Variants in HEPHL1 observed in about 807,000 individuals in gnomAD.
HEPHL1 encodes ferroxidase HEPHL1.
A neutral mutation model predicts 122.0 loss-of-function variants in HEPHL1; 123 were observed. The observed-to-expected ratio is 1.01, with a 90% CI of 0.87 to 1.17. The LOEUF is 1.17. Ranked by LOEUF, HEPHL1 falls within the 50% of genes most tolerant of loss-of-function variation. The pLI, the probability that HEPHL1 is intolerant of heterozygous loss-of-function variation, is 0.00. For missense variants in HEPHL1, 1,452 were observed against 1,430.5 expected, an observed-to-expected ratio of 1.01 and a Z score of -0.24; for synonymous variants, 527 against 508.9, an observed-to-expected ratio of 1.04 and a Z score of -0.48.
At chr11:94,073,196 C>A in intron 7 of HEPHL1, 32 bp downstream of exon 7, 1 of 1,611,622 alleles carries the variant, frequency 6.2e-7, no homozygotes, top group Non-Finnish European at 8.5e-7. Context: ...TGCATTGAAC[C>A]CAGGGAGATG....
At chr11:94,052,080 C>T (rs1452306593) in intron 2 of HEPHL1, among the ~76,000 whole-genome samples, 2 of 151,998 alleles carry the variant, frequency 1.3e-5, no homozygotes, top group African/African-American at 2.4e-5. Context: ...TGTGATTCCT[C>T]CAGTTTTGTC....
At position 94,075,466 on chromosome 11, in the gene HEPHL1, G is replaced by T. The variant is rs1170430132; in HGVS notation, c.1716+81G>T. On this transcript the variant is annotated intron_variant, in intron 9 of 19. Transcript: ENST00000315765. ...AAGAGCCAGAGACGAGACAGGAATAGTCAGTTACAAAAAGCAATTTGTCTT... is the reference window on the plus strand; with the variant it reads ...AAGAGCCAGAGACGAGACAGGAATATTCAGTTACAAAAAGCAATTTGTCTT... The T allele has an allele frequency of 5.7e-6, 6 of 1,049,628 alleles. No homozygotes were observed. In the East Asian group the frequency reaches 1.5e-4, roughly 25 times the overall value. 65.0% of individuals were successfully genotyped at this position (1,049,628 alleles called of 1,614,324 possible).
At chr11:94,044,028 A>G (rs1428780365) in intron 1 of HEPHL1, among the ~76,000 whole-genome samples, 4 of 151,964 alleles carry the variant, frequency 2.6e-5, no homozygotes, top group African/African-American at 9.7e-5. Flanking sequence ...GGACACAGCT[A>G]CATTGGGATG....
rs971376612 is a variant in HEPHL1 at position 94,108,297 on chromosome 11, G to T, written c.3045+2167G>T. ...GAGTTTGAGGGCTTTATATATTCTG[G>T]ATACAAATCCTTTTTCAGTGATGTG... On this transcript the variant is annotated intron_variant, in intron 17 of 19. Transcript: ENST00000315765. 6.6e-5 allele frequency among the ~76,000 whole-genome samples: 10 copies of T among 152,114 alleles called. 1 individual carries two copies. The South Asian group carries it at 2.1e-3, about 32-fold the overall frequency.
At chr11:94,080,996 G>A (rs1946166550) in intron 9 of HEPHL1, among the ~76,000 whole-genome samples, 1 of 152,146 alleles carries the variant, frequency 6.6e-6, no homozygotes, top group Non-Finnish European at 1.5e-5. Context: ...GCATGTATGT[G>A]TTCATTGCAG....
chr11:94,094,525 A>T (rs1024291824), intron 13 of HEPHL1, among the ~76,000 whole-genome samples: 26 of 152,204 alleles, frequency 1.7e-4, no homozygotes, highest in Non-Finnish European at 3.1e-4. Flanking sequence ...GTAATGGGAT[A>T]GCTGGGTCAA....
At chr11:94,055,119 C>T in intron 2 of HEPHL1, 1 of 191,708 alleles carries the variant, frequency 5.2e-6, no homozygotes, top group Non-Finnish European at 1.1e-5. Flanking sequence ...CTGCAGCTTC[C>T]AGCTTGTGTA....
intron 2 of HEPHL1, among the ~76,000 whole-genome samples, 173 bp downstream of exon 2, chr11:94,046,090 G>GT (rs1945833960): frequency 1.4e-4 from 1 of 6,990 alleles, no homozygotes; most frequent in African/African-American, 4.3e-4. Flanking sequence ...TCCCTTTCTT[G>GT]CTTTTTTTTT....
intron 12 of HEPHL1, among the ~76,000 whole-genome samples, chr11:94,090,136 A>G (rs1450287439): frequency 5.3e-5 from 8 of 152,060 alleles, no homozygotes; most frequent in Admixed American, 2.0e-4. Context: ...TCCCTTAAGA[A>G]CAGGAGAATT....
chr11:94,031,144 A>G (rs1402455680), intron 1 of HEPHL1, among the ~76,000 whole-genome samples: 1 of 151,904 alleles, frequency 6.6e-6, no homozygotes, highest in African/African-American at 2.4e-5. Context: ...TGTTTTTAGT[A>G]TTGAATTTGT....
intron 2 of HEPHL1, among the ~76,000 whole-genome samples, chr11:94,047,227 T>G (rs1945847854): frequency 6.6e-6 from 1 of 152,172 alleles, no homozygotes. Context: ...TTATTTTAAG[T>G]TCAGGGATAT....
At chr11:94,093,753 T>C in intron 13 of HEPHL1, 113 bp downstream of exon 13, 1 of 1,195,186 alleles carries the variant, frequency 8.4e-7, no homozygotes, top group Non-Finnish European at 1.2e-6. Context: ...CAGAGTAGCT[T>C]GACTGCATTC....
intron 1 of HEPHL1, among the ~76,000 whole-genome samples, chr11:94,023,264 G>A (rs1945596613): frequency 6.6e-6 from 1 of 152,092 alleles, no homozygotes; most frequent in Admixed American, 6.6e-5. Flanking sequence ...ACAACTTTGA[G>A]GGAAGCCAAG....
intron 1 of HEPHL1, among the ~76,000 whole-genome samples, chr11:94,037,936 C>T (rs1249864911): frequency 1.3e-5 from 2 of 151,008 alleles, no homozygotes; most frequent in Non-Finnish European, 2.9e-5. Context: ...TACGGGAGGA[C>T]ATTCAAACCA....
intron 13 of HEPHL1, among the ~76,000 whole-genome samples, chr11:94,099,791 T>C (rs969347217): frequency 1.3e-5 from 2 of 152,182 alleles, no homozygotes; most frequent in Non-Finnish European, 2.9e-5. Flanking sequence ...TGAGGCTCCT[T>C]GGGTGTGGGT....
At chr11:94,104,296 A>G (rs1370906573) in intron 15 of HEPHL1, among the ~76,000 whole-genome samples, 2 of 152,182 alleles carry the variant, frequency 1.3e-5, no homozygotes, top group African/African-American at 4.8e-5. Flanking sequence ...TTTGTATTTA[A>G]TTCTGTAGGC....
At chr11:94,059,985 C>T (rs1380288812) in intron 2 of HEPHL1, among the ~76,000 whole-genome samples, 1 of 151,658 alleles carries the variant, frequency 6.6e-6, no homozygotes, top group Admixed American at 6.6e-5. Flanking sequence ...TCCTGAACCT[C>T]TGTATATAAA....
intron 16 of HEPHL1, 113 bp from the exon 17 acceptor site, chr11:94,105,878 C>A: frequency 1.6e-6 from 1 of 635,454 alleles, no homozygotes; most frequent in Non-Finnish European, 2.5e-6. Flanking sequence ...GAGATTGTTG[C>A]ATGTTTACTA....
chr11:94,073,312 A>G lies in HEPHL1; in HGVS notation c.1377A>G (p.Pro459=). The G allele has an allele frequency of 6.2e-7, 1 of 1,610,122 alleles. No individual in the cohort carries two copies. Among genetic ancestry groups the G allele is most frequent in the Non-Finnish European group, 8.5e-7 (1 of 1,178,078 alleles). Reference sequence around the variant, plus strand: ...TTCTTCTGGATATTTTTTCAGGCCCAGTCATCAAGGCAGAGGTGGGTGATA... The same window carrying G: ...TTCTTCTGGATATTTTTTCAGGCCCGGTCATCAAGGCAGAGGTGGGTGATA... ...AEEAHLGILG[P]VIKAEVGDTL... is the part of the protein sequence containing the mutation. Residue 459 remains proline (P), a synonymous_variant, in exon 8 of 20, where the codon CCA becomes CCG. Coordinates refer to ENST00000315765, the MANE Select transcript of HEPHL1 (RefSeq NM_001098672.2).
Sources: gnomAD v4.1 joint callset for allele counts (sites outside exome capture counted in the v4.1 genomes callset) on GRCh38, gnomAD v4.1.1 for gene constraint, MANE v1.5 for transcripts, NCBI Gene and HGNC (gene_info 2026-07-23, HGNC 2026-07-21) for gene names.